IGF2: variants seen among roughly 807,000 people sequenced by gnomAD.
IGF2 encodes the protein insulin-like growth factor 2.
IGF2 carries 2 observed loss-of-function variants against 12.0 expected under a neutral mutation model. The observed-to-expected ratio is 0.17, with a 90% confidence interval of 0.07 to 0.52. The LOEUF (loss-of-function observed/expected upper bound fraction) is 0.52, where lower values mean the gene tolerates loss of function less well. Among genes scored for constraint, IGF2 ranks in the 20% least tolerant of loss-of-function variants. The probability of loss-of-function intolerance (pLI) is 0.95; values close to 1 mark genes in which losing one functional copy is unlikely to be tolerated. For synonymous variants in IGF2, 105 were observed against 110.1 expected (o/e 0.95, Z 0.29); for missense variants, 211 against 268.0 (o/e 0.79, Z 1.48).
chr11:2,149,159 C>T, the IGF2 span: 16 of 1,613,528 alleles, frequency 9.9e-6, no homozygotes, highest in Non-Finnish European at 1.3e-5. Flanking sequence ...CCCCGCAGCT[C>T]CTGGACAGTG....
chr11:2,136,042 A>AG (rs1182300081), intron 1 of IGF2, among the ~76,000 whole-genome samples: 4 of 152,204 alleles, frequency 2.6e-5, no homozygotes, highest in East Asian at 3.9e-4. Flanking sequence ...CCAGCTGAGC[A>AG]GGGGGGGTCC....
At position 2,133,012 on chromosome 11, in the gene IGF2, G is replaced by A. The variant is rs1050342; in HGVS notation, c.518C>T (p.Pro173Leu). 3.9e-6 allele frequency: 6 copies of A among 1,545,720 alleles called. No individual in the cohort carries two copies. The African/African-American group carries it at 4.1e-5, about 11-fold the overall frequency. Reference sequence around the variant, plus strand: ...TCACTTCCGATTGCTGGCCATCTCTGGGGGGGCGCCCCCGTGGGCGGGGTC... The same window carrying A: ...TCACTTCCGATTGCTGGCCATCTCTAGGGGGGCGCCCCCGTGGGCGGGGTC... ...TQDPAHGGAP[P>L]EMASNRK The change falls in exon 4 of 4, where the codon CCA (proline) becomes CTA (leucine). Residue 173 changes from proline (P) to leucine (L), a missense_variant. By Grantham distance (98) the Pro-to-Leu change is moderately conservative. Coordinates refer to ENST00000416167, the MANE Select transcript of IGF2 (RefSeq NM_000612.6). The surrounding 1 kb of genome is among the most constrained non-coding windows in gnomAD (Gnocchi z 8.9).
rs1858365923 is a variant in IGF2 at position 2,129,170 on chromosome 11, A to C, written c.*3817T>G. The C allele has an allele frequency of 5.3e-6, 1 of 189,266 alleles. No homozygotes were observed. The highest frequency in any genetic ancestry group is 2.3e-5 in the African/African-American group (1 of 42,836). The allele number at this position is 189,266 out of a possible 1,614,324, so 11.7% of individuals were successfully genotyped here. A position where few individuals can be genotyped will look rare whatever the true frequency, so the allele number is the denominator to read the frequency against. ...GCAAGCGTTACAAGGTTAAAGACAA[A>C]ACCCAAGCATGGGATTTTGCCGGAA... On this transcript the variant is annotated 3_prime_UTR_variant, in exon 4 of 4. Transcript: ENST00000416167. The surrounding 1 kb of genome is among the most constrained non-coding windows in gnomAD (Gnocchi z 8.1).
upstream of IGF2, chr11:2,140,244 G>A (rs1229356610): frequency 6.2e-7 from 1 of 1,613,142 alleles, no homozygotes; most frequent in Non-Finnish European, 8.5e-7. Context: ...TTGCATAGAC[G>A]CGAGTTCGGT....
Position 2,129,864 on chromosome 11 carries a change from C to A in IGF2, c.*3123G>T. The A allele has an allele frequency of 4.3e-6, 1 of 232,264 alleles. No homozygotes were observed. The highest frequency in any genetic ancestry group is 8.5e-6 in the Non-Finnish European group (1 of 117,432). 14.4% of individuals were successfully genotyped at this position (232,264 alleles called of 1,614,324 possible). On this transcript the variant is annotated 3_prime_UTR_variant, in exon 4 of 4. Coordinates refer to ENST00000416167, the MANE Select transcript of IGF2 (RefSeq NM_000612.6). The surrounding 1 kb of genome is among the most constrained non-coding windows in gnomAD (Gnocchi z 8.1). The stretch of plus-strand genomic sequence containing the variant: ...CGAGTCCCTGCCGCAGCCCTAGGCG[C>A]CGCGGTGGTGGCTGCTATGGCATCA...
In IGF2 at chr11:2,138,341, C is replaced by CG; in HGVS notation, c.-120dup. The CG allele has an allele frequency of 2.1e-6, 2 of 937,362 alleles. No homozygotes were observed. The highest frequency in any genetic ancestry group is 2.5e-6 in the Non-Finnish European group (2 of 809,056). The allele number at this position is 937,362 out of a possible 1,614,324, so 58.1% of individuals were successfully genotyped here. ...TGCCAGCGCCGCTCTGGCCGAGTCG[C>CG]GGGGGCCGAATGTGCGACGGGGCAG... On this transcript the variant is annotated 5_prime_UTR_variant, in exon 1 of 4. Transcript: ENST00000416167.
Position 2,133,711 on chromosome 11 carries a change from AC to A in IGF2, c.158-47del. On this transcript the variant is annotated intron_variant, in intron 2 of 3. Coordinates refer to ENST00000416167, the MANE Select transcript of IGF2 (RefSeq NM_000612.6). This position sits in a 1 kb window ranked among gnomAD's most constrained non-coding sequence, Gnocchi z 8.9. ...AGAGAGCCGTGTTAGCACCGCACTG[AC>A]CCCAGCCCCCGGAGGCTGAAGGGGG... is the stretch of plus-strand genomic sequence containing the variant. 1 of 1,603,736 alleles carries A rather than the reference AC, an allele frequency of 6.2e-7. No homozygotes were observed. The highest frequency in any genetic ancestry group is 8.5e-7 in the Non-Finnish European group (1 of 1,176,092).
At chr11:2,141,731 G>C (rs1415455307), upstream of IGF2, among the ~76,000 whole-genome samples, 5 of 152,180 alleles carry the variant, frequency 3.3e-5, no homozygotes, top group Non-Finnish European at 7.3e-5. Flanking sequence ...AATTACTGTG[G>C]CTTCAGGGAA....
chr11:2,149,006 G>C, the IGF2 span: 1 of 940,796 alleles, frequency 1.1e-6, no homozygotes, highest in Non-Finnish European at 1.7e-6. Flanking sequence ...AGCAGCAGAA[G>C]TTCTTCCCCT....
chr11:2,146,065 G>A (rs17880263), upstream of IGF2, among the ~76,000 whole-genome samples: 2,487 of 152,164 alleles, frequency 0.016, 56 homozygotes, highest in African/African-American at 0.055. Context: ...CCTCACCAGG[G>A]CAACGCTGGT....
At chr11:2,140,190 C>G (rs1176659285), upstream of IGF2, 1 of 1,613,436 alleles carries the variant, frequency 6.2e-7, no homozygotes, top group Admixed American at 1.7e-5. Context: ...GCGGCCCACC[C>G]AAAATATCTG....
At chr11:2,140,092 A>G (rs777970502), upstream of IGF2, 2 of 1,593,006 alleles carry the variant, frequency 1.3e-6, no homozygotes, top group Admixed American at 3.4e-5. Flanking sequence ...TCCGGCCGCC[A>G]GAGGAGAGAG....
upstream of IGF2, among the ~76,000 whole-genome samples, chr11:2,139,948 G>T (rs959894287): frequency 6.6e-5 from 10 of 152,142 alleles, no homozygotes; most frequent in Non-Finnish European, 1.0e-4. Flanking sequence ...GCCACGCGGC[G>T]CTTGGAGCCT....
In IGF2 at chr11:2,132,043, T is replaced by TGTGTGTGCTGTATGCTC. The variant is rs1554913011; in HGVS notation, c.*943_*944insGAGCATACAGCACACAC. ...CTGTGTGCTGTGTGTGCTGTGCGTT[T>TGTGTGTGCTGTATGCTC]GTGTGTGTGCTGTGCTCGTGTGTGT... On this transcript the variant is annotated 3_prime_UTR_variant, in exon 4 of 4. Transcript: ENST00000416167. The TGTGTGTGCTGTATGCTC allele has an allele frequency of 1.6e-5, 3 of 184,380 alleles. No homozygotes were observed. Among genetic ancestry groups the TGTGTGTGCTGTATGCTC allele is most frequent in the East Asian group, 1.6e-4 (2 of 12,366 alleles). 11.4% of individuals were successfully genotyped at this position (184,380 alleles called of 1,614,324 possible).
chr11:2,149,068 G>T, the IGF2 span: 1 of 1,519,342 alleles, frequency 6.6e-7, no homozygotes, highest in South Asian at 1.1e-5. Flanking sequence ...GCCCACCCAC[G>T]CCTGAACACT....
Position 2,131,440 on chromosome 11 carries a change from A to ATG in IGF2, c.*1545_*1546dup, listed in dbSNP as rs200159614. 7,917 of 228,306 alleles carry ATG rather than the reference A, an allele frequency of 0.035. 592 individuals carry two copies. Among genetic ancestry groups the ATG allele is most frequent in the African/African-American group, 0.16 (7,068 of 44,500 alleles). 14.1% of individuals were successfully genotyped at this position (228,306 alleles called of 1,614,324 possible). A position where few individuals can be genotyped will look rare whatever the true frequency, so the allele number is the denominator to read the frequency against. On this transcript the variant is annotated 3_prime_UTR_variant, in exon 4 of 4. Transcript: ENST00000416167. ...TGTGGGGGTGTGCGTGTGTGTGCGCATGTGTGTGTGCAGGTGGGTGCTTGC... is the reference window on the plus strand; with the variant it reads ...TGTGGGGGTGTGCGTGTGTGTGCGCATGTGTGTGTGTGCAGGTGGGTGCTTGC...
rs1339644553 is a variant in IGF2 at position 2,131,030 on chromosome 11, C to A, written c.*1957G>T. The A allele has an allele frequency of 4.3e-6, 1 of 230,600 alleles. No homozygotes were observed. Among genetic ancestry groups the A allele is most frequent in the African/African-American group, 2.2e-5 (1 of 45,204 alleles). The allele number at this position is 230,600 out of a possible 1,614,324, so 14.3% of individuals were successfully genotyped here. Reference sequence around the variant, plus strand: ...AAACTCCTTCCTCACTCTGGCTGGGCCAACACACAGTAAGTAAGGTGTATC... The same window carrying A: ...AAACTCCTTCCTCACTCTGGCTGGGACAACACACAGTAAGTAAGGTGTATC... On this transcript the variant is annotated 3_prime_UTR_variant, in exon 4 of 4. Transcript: ENST00000416167.
chr11:2,132,911 A>G lies in IGF2; in HGVS notation c.*76T>C. ...GGAACCGAGAGATTTTCGGGATGGA[A>G]CCTGATGGAAACGTCCGTGGTCAGG... On this transcript the variant is annotated 3_prime_UTR_variant, in exon 4 of 4. Transcript: ENST00000416167. 1.9e-6 allele frequency: 2 copies of G among 1,032,516 alleles called. No individual in the cohort carries two copies. Among genetic ancestry groups the G allele is most frequent in the Non-Finnish European group, 2.8e-6 (2 of 710,104 alleles). The allele number at this position is 1,032,516 out of a possible 1,614,324, so 64.0% of individuals were successfully genotyped here.
At chr11:2,146,411 C>T in the IGF2 span, 20,133 of 534,082 alleles carry the variant, frequency 0.038, 514 homozygotes, top group Middle Eastern at 0.12. Context: ...GGGAAGGACA[C>T]ACTCGCTGGC....
Sources: gnomAD v4.1 joint callset for allele counts (sites outside exome capture counted in the v4.1 genomes callset) on GRCh38, gnomAD v4.1.1 for gene constraint, Gnocchi (gnomAD v3.1) non-coding constraint, MANE v1.5 for transcripts, NCBI Gene and HGNC (gene_info 2026-07-23, HGNC 2026-07-21) for gene names.